Variants in CCDC171 observed in about 807,000 individuals in gnomAD.
CCDC171 encodes the protein coiled-coil domain containing 171, also known as coiled-coil domain-containing protein 171.
A neutral mutation model predicts 168.2 loss-of-function variants in CCDC171; 177 were observed. The observed-to-expected ratio is 1.05, with a 90% CI of 0.93 to 1.19. The LOEUF (loss-of-function observed/expected upper bound fraction) is 1.19, where lower values mean the gene tolerates loss of function less well. Among genes scored for constraint, CCDC171 ranks in the 50% most tolerant of loss-of-function variants. The probability of loss-of-function intolerance (pLI) is 0.00; values close to 1 mark genes in which losing one functional copy is unlikely to be tolerated. For missense variants in CCDC171, 1,991 were observed against 1,539.0 expected (o/e 1.29, Z -4.91); for synonymous variants, 687 against 540.8 (o/e 1.27, Z -3.75).
intron 3 of CCDC171, among the ~76,000 whole-genome samples, chr9:16,019,500 T>A (rs1833107087): frequency 6.6e-6 from 1 of 152,072 alleles, no homozygotes; most frequent in Admixed American, 6.5e-5. Context: ...TGTTTTCCCA[T>A]AGGCAAGGGC....
intron 25 of CCDC171, among the ~76,000 whole-genome samples, chr9:15,940,881 G>A (rs903567643): frequency 2.6e-5 from 4 of 151,784 alleles, no homozygotes; most frequent in South Asian, 2.1e-4. Flanking sequence ...ACAAAACATA[G>A]CGTTAAGAAG....
At chr9:15,690,547 A>C (rs1329653371) in intron 10 of CCDC171, among the ~76,000 whole-genome samples, 1 of 152,176 alleles carries the variant, frequency 6.6e-6, no homozygotes, top group Non-Finnish European at 1.5e-5. Flanking sequence ...GCCATAAAAG[A>C]AGAAAATGAA....
chr9:15,565,452 G>A (rs578257633), intron 2 of CCDC171, among the ~76,000 whole-genome samples: 20 of 152,208 alleles, frequency 1.3e-4, no homozygotes, highest in East Asian at 3.9e-4. Flanking sequence ...CCAAGTAGCT[G>A]GAACTGTAGG....
chr9:15,556,630 C>G (rs1038657854), intron 1 of CCDC171, among the ~76,000 whole-genome samples: 7 of 151,946 alleles, frequency 4.6e-5, no homozygotes, highest in African/African-American at 1.4e-4. Flanking sequence ...TTTGTAGATT[C>G]TGGATATTAG....
chr9:16,074,970 TTTCTC>T, the CCDC171 span, among the ~76,000 whole-genome samples: 2 of 152,172 alleles, frequency 1.3e-5, no homozygotes, highest in Non-Finnish European at 2.9e-5. Flanking sequence ...GTCAAACTGT[TTTCTC>T]TTCCTCCCAG....
chr9:15,896,299 A>C (rs562879224), intron 24 of CCDC171, among the ~76,000 whole-genome samples: 1 of 152,160 alleles, frequency 6.6e-6, no homozygotes, highest in African/African-American at 2.4e-5. Flanking sequence ...TCTAAACAAG[A>C]TACAAAGAAA....
At chr9:15,980,471 T>A (rs1831757518) in intron 3 of CCDC171, among the ~76,000 whole-genome samples, 1 of 152,126 alleles carries the variant, frequency 6.6e-6, no homozygotes, top group Non-Finnish European at 1.5e-5. Context: ...CAAGTTCTAT[T>A]TCTGAGACAA....
intron 7 of CCDC171, among the ~76,000 whole-genome samples, chr9:15,630,947 G>A (rs935260565): frequency 9.2e-5 from 14 of 152,272 alleles, no homozygotes; most frequent in African/African-American, 3.4e-4. Flanking sequence ...AATGAAGACA[G>A]AAATAAAGAT....
intron 24 of CCDC171, among the ~76,000 whole-genome samples, chr9:15,901,855 T>C (rs1821710908): frequency 6.6e-6 from 1 of 152,200 alleles, no homozygotes; most frequent in African/African-American, 2.4e-5. Flanking sequence ...GTTAAGTGAA[T>C]CTATATATTA....
At chr9:15,956,807 T>G (rs1240702260) in intron 25 of CCDC171, among the ~76,000 whole-genome samples, 1 of 152,178 alleles carries the variant, frequency 6.6e-6, no homozygotes, top group Non-Finnish European at 1.5e-5. Context: ...GAGGCTGAAT[T>G]CCATACTTTT....
chr9:15,701,577 ATTT>A (rs71304894), intron 11 of CCDC171, among the ~76,000 whole-genome samples: 1 of 122,096 alleles, frequency 8.2e-6, no homozygotes. Context: ...GTACAATTCC[ATTT>A]TTTTTTTTTT....
intron 25 of CCDC171, among the ~76,000 whole-genome samples, chr9:15,961,369 T>C (rs1830313135): frequency 6.6e-6 from 1 of 152,196 alleles, no homozygotes; most frequent in Non-Finnish European, 1.5e-5. Context: ...GTGTGACATG[T>C]GTACATTTTG....
At chr9:15,641,738 C>T (rs562751247) in intron 7 of CCDC171, among the ~76,000 whole-genome samples, 12 of 152,084 alleles carry the variant, frequency 7.9e-5, no homozygotes, top group African/African-American at 2.6e-4. Context: ...ATATAAATTA[C>T]ACCAAAAAAG....
intron 2 of CCDC171, among the ~76,000 whole-genome samples, chr9:15,567,697 C>A (rs148984070): frequency 6.6e-6 from 1 of 151,810 alleles, no homozygotes; most frequent in African/African-American, 2.4e-5. Flanking sequence ...CTCTGTTGCC[C>A]AGGCTAGAGT....
At chr9:15,796,847 A>T (rs1200158093) in intron 21 of CCDC171, among the ~76,000 whole-genome samples, 2 of 152,340 alleles carry the variant, frequency 1.3e-5, no homozygotes, top group Admixed American at 1.3e-4. Flanking sequence ...GAGAGCCTAC[A>T]GATTCCCCTA....
At chr9:15,921,184 G>A (rs1320338415) in intron 25 of CCDC171, among the ~76,000 whole-genome samples, 4 of 151,546 alleles carry the variant, frequency 2.6e-5, no homozygotes, top group South Asian at 2.1e-4. Context: ...TTGCTATTCC[G>A]CTGTTGACCC....
chr9:15,944,883 T>TCTTTCTTTCTTTCTTA (rs1554691548), intron 25 of CCDC171, among the ~76,000 whole-genome samples: 8 of 151,444 alleles, frequency 5.3e-5, no homozygotes, highest in Non-Finnish European at 1.0e-4. Flanking sequence ...TTTCTTTCTT[T>TCTTTCTTTCTTTCTTA]CTTTTTTATC....
chr9:15,579,802 G>C (rs2040970479), intron 4 of CCDC171, among the ~76,000 whole-genome samples: 1 of 152,056 alleles, frequency 6.6e-6, no homozygotes, highest in Admixed American at 6.5e-5. Context: ...TATTGTATGA[G>C]AGCTTTGTAT....
At chr9:15,669,381 A>G (rs142067851) in intron 9 of CCDC171, among the ~76,000 whole-genome samples, 35 of 152,244 alleles carry the variant, frequency 2.3e-4, no homozygotes, top group African/African-American at 7.7e-4. Flanking sequence ...GGTATGTGTG[A>G]TATTTTTATA....
Sources: gnomAD v4.1 joint callset for allele counts (sites outside exome capture counted in the v4.1 genomes callset) on GRCh38, gnomAD v4.1.1 for gene constraint, MANE v1.5 for transcripts, NCBI Gene and HGNC (gene_info 2026-07-23, HGNC 2026-07-21) for gene names.